SHC4: variants seen among roughly 807,000 people sequenced by gnomAD.
SHC4 encodes SHC adaptor protein 4.
In SHC4, 41 loss-of-function variants were observed where a neutral mutation model predicts 69.4. That is an observed-to-expected ratio of 0.59 (90% CI 0.46 to 0.77). The LOEUF (loss-of-function observed/expected upper bound fraction) is 0.77, where lower values mean the gene tolerates loss of function less well. Ranked by LOEUF, SHC4 falls within the 30% of genes least tolerant of loss-of-function variation. The probability of loss-of-function intolerance (pLI) is 0.00; values close to 1 mark genes in which losing one functional copy is unlikely to be tolerated. For synonymous variants in SHC4, 318 were observed against 299.3 expected (o/e 1.06, Z -0.64); for missense variants, 777 against 783.8 (o/e 0.99, Z 0.10).
intron 3 of SHC4, among the ~76,000 whole-genome samples, chr15:48,884,738 G>C (rs577008745): frequency 6.6e-6 from 1 of 152,132 alleles, no homozygotes; most frequent in Non-Finnish European, 1.5e-5. Flanking sequence ...ACAATCCACT[G>C]AATCTAATGC....
At chr15:48,871,627 T>C (rs1012737714) in intron 5 of SHC4, among the ~76,000 whole-genome samples, 9 of 152,136 alleles carry the variant, frequency 5.9e-5, no homozygotes, top group African/African-American at 1.9e-4. Context: ...CCTCCATGAG[T>C]TCCTGCAAAC....
At chr15:48,943,993 C>T (rs1036026210) in intron 1 of SHC4, among the ~76,000 whole-genome samples, 1 of 152,018 alleles carries the variant, frequency 6.6e-6, no homozygotes, top group Non-Finnish European at 1.5e-5. Context: ...GGAAAAGGAA[C>T]ATAAGGTGTA....
In SHC4 at chr15:48,901,316, T is replaced by C. The variant is rs181413783; in HGVS notation, c.657-10505A>G. ...TAGCTTGTGCATGGTGCAAAGCTTATTAGAGTGTAATCTTTTGCAAGGATT... is the reference window on the plus strand; with the variant it reads ...TAGCTTGTGCATGGTGCAAAGCTTACTAGAGTGTAATCTTTTGCAAGGATT... On this transcript the variant is annotated intron_variant, in intron 2 of 11. Coordinates refer to ENST00000332408, the MANE Select transcript of SHC4 (RefSeq NM_203349.4). 3.0e-4 allele frequency among the ~76,000 whole-genome samples: 46 copies of C among 152,298 alleles called. 2 individuals carry two copies. Among genetic ancestry groups the C allele is most frequent in the Admixed American group, 2.7e-3 (42 of 15,290 alleles).
intron 2 of SHC4, among the ~76,000 whole-genome samples, chr15:48,916,306 CA>C (rs1165229271): frequency 1.9e-4 from 28 of 150,150 alleles, no homozygotes; most frequent in Admixed American, 6.6e-4. Flanking sequence ...CACACACACA[CA>C]CACACACACA....
chr15:48,871,424 G>A (rs1899675473), intron 5 of SHC4, among the ~76,000 whole-genome samples: 1 of 152,226 alleles, frequency 6.6e-6, no homozygotes, highest in South Asian at 2.1e-4. Flanking sequence ...TTGCTCAGTT[G>A]CAGGCTCCCT....
chr15:48,925,732 T>A (rs950718095), intron 1 of SHC4, among the ~76,000 whole-genome samples: 4 of 152,162 alleles, frequency 2.6e-5, no homozygotes, highest in Admixed American at 1.3e-4. Flanking sequence ...TGCGATTAGA[T>A]CTGTGTTGGA....
At chr15:48,944,343 C>A (rs1901234961) in intron 1 of SHC4, among the ~76,000 whole-genome samples, 1 of 152,070 alleles carries the variant, frequency 6.6e-6, no homozygotes, top group Non-Finnish European at 1.5e-5. Context: ...CCCTGGAAGC[C>A]AGGAGCCCAA....
intron 9 of SHC4, among the ~76,000 whole-genome samples, chr15:48,848,018 CAA>C (rs954948526): frequency 1.5e-5 from 2 of 136,560 alleles, no homozygotes; most frequent in Non-Finnish European, 3.2e-5. Context: ...AAAAAAAAAA[CAA>C]AAAAAACAAA....
chr15:48,937,093 A>G (rs563134143), intron 1 of SHC4, among the ~76,000 whole-genome samples: 156 of 152,344 alleles, frequency 1.0e-3, no homozygotes, highest in African/African-American at 3.7e-3. Context: ...CATGGCCAGA[A>G]AAGTTGTGCT....
At chr15:48,878,152 T>C (rs1899856561) in intron 4 of SHC4, 1 of 1,520,504 alleles carries the variant, frequency 6.6e-7, no homozygotes, top group East Asian at 2.3e-5. Context: ...GGAAGCTTTT[T>C]CCTAGAGGTT....
At chr15:48,834,632 C>T in intron 11 of SHC4, 137 bp downstream of exon 11, 2 of 1,290,166 alleles carry the variant, frequency 1.6e-6, no homozygotes, top group Non-Finnish European at 2.1e-6. Context: ...GTTAGCATGT[C>T]CTGCTCCAGC....
At chr15:48,926,084 G>A (rs915981489) in intron 1 of SHC4, among the ~76,000 whole-genome samples, 1 of 152,110 alleles carries the variant, frequency 6.6e-6, no homozygotes, top group South Asian at 2.1e-4. Flanking sequence ...GGCACCGGTG[G>A]GGTATCCAGG....
chr15:48,871,877 T>C (rs933692053), intron 5 of SHC4: 1 of 450,496 alleles, frequency 2.2e-6, no homozygotes, highest in South Asian at 2.6e-5. Context: ...TCCAAGTATT[T>C]TAAAATTTAA....
chr15:48,824,957 T>C lies in SHC4; in HGVS notation c.*1014A>G. 1 of 152,482 alleles carries C rather than the reference T, an allele frequency of 6.6e-6. No homozygotes were observed. Among genetic ancestry groups the C allele is most frequent in the African/African-American group, 2.4e-5 (1 of 41,384 alleles). The allele number at this position is 152,482 out of a possible 1,614,324, so 9.4% of individuals were successfully genotyped here. Reference sequence around the variant, plus strand: ...TTTTTTCCTTCTGCATTTTGTCTGATCATATCTATACGAGGTGCTAAGGAT... The same window carrying C: ...TTTTTTCCTTCTGCATTTTGTCTGACCATATCTATACGAGGTGCTAAGGAT... On this transcript the variant is annotated 3_prime_UTR_variant, in exon 12 of 12. Transcript: ENST00000332408.
intron 2 of SHC4, among the ~76,000 whole-genome samples, chr15:48,921,767 C>G (rs1313031279): frequency 6.6e-6 from 1 of 152,206 alleles, no homozygotes; most frequent in Non-Finnish European, 1.5e-5. Flanking sequence ...CTGAACTATA[C>G]ACTTATAAAT....
At chr15:48,857,999 A>T (rs1419617552) in intron 6 of SHC4, among the ~76,000 whole-genome samples, 184 bp from the exon 7 acceptor site, 1 of 152,226 alleles carries the variant, frequency 6.6e-6, no homozygotes, top group African/African-American at 2.4e-5. Context: ...AAAGAGAAGA[A>T]AGATTCAAAT....
chr15:48,952,403 G>A (rs1901380176), intron 1 of SHC4, among the ~76,000 whole-genome samples: 1 of 152,130 alleles, frequency 6.6e-6, no homozygotes, highest in Non-Finnish European at 1.5e-5. Flanking sequence ...GCATTTCCCT[G>A]TGAAAATGAA....
chr15:48,921,686 G>T (rs1463534813), intron 2 of SHC4, among the ~76,000 whole-genome samples: 1 of 152,084 alleles, frequency 6.6e-6, no homozygotes, highest in Non-Finnish European at 1.5e-5. Context: ...TTTCATCTTC[G>T]GGAAGATGAA....
At chr15:48,947,901 C>T (rs1010619045) in intron 1 of SHC4, 18 of 152,336 alleles carry the variant, frequency 1.2e-4, no homozygotes, top group African/African-American at 4.1e-4. Context: ...GGCATCTTCA[C>T]TCAGTCTTCA....
Sources: allele counts gnomAD v4.1 joint callset (sites outside exome capture counted in the v4.1 genomes callset), GRCh38; gene constraint gnomAD v4.1.1; transcripts MANE v1.5; gene names NCBI Gene and HGNC (gene_info 2026-07-23, HGNC 2026-07-21).